CADM1: variants seen among roughly 807,000 people sequenced by gnomAD.
CADM1 encodes TSLC-1.
A neutral mutation model predicts 53.1 loss-of-function variants in CADM1; 15 were observed. That is an observed-to-expected ratio of 0.28 (90% CI 0.19 to 0.44). The LOEUF (loss-of-function observed/expected upper bound fraction) is 0.44, where lower values mean the gene tolerates loss of function less well. Among genes scored for constraint, CADM1 ranks in the 20% least tolerant of loss-of-function variants. The probability of loss-of-function intolerance (pLI) is 1.00; values close to 1 mark genes in which losing one functional copy is unlikely to be tolerated. For synonymous variants in CADM1, 281 were observed against 243.0 expected, an observed-to-expected ratio of 1.16 and a Z score of -1.45; for missense variants, 434 against 611.3, an observed-to-expected ratio of 0.71 and a Z score of 3.06.
At chr11:115,232,032 A>C (rs924215298) in intron 3 of CADM1, among the ~76,000 whole-genome samples, 22 of 151,890 alleles carry the variant, frequency 1.4e-4, no homozygotes, top group Non-Finnish European at 2.4e-4. Flanking sequence ...CAACAACAAC[A>C]ACCAATGTCT....
chr11:115,268,246 T>C (rs1565334856), intron 1 of CADM1, among the ~76,000 whole-genome samples: 1 of 152,210 alleles, frequency 6.6e-6, no homozygotes, highest in Admixed American at 6.5e-5. Flanking sequence ...TCTGTGTCCT[T>C]AGAAGAACAT....
chr11:115,280,288 C>A (rs1408641496), intron 1 of CADM1, among the ~76,000 whole-genome samples: 1 of 152,168 alleles, frequency 6.6e-6, no homozygotes, highest in Non-Finnish European at 1.5e-5. Flanking sequence ...AGCCGGTCAT[C>A]TCATTCTCCC....
chr11:115,493,279 A>T (rs936176848), intron 1 of CADM1, among the ~76,000 whole-genome samples: 2 of 137,408 alleles, frequency 1.5e-5, no homozygotes, highest in Non-Finnish European at 3.2e-5. Context: ...GTAATTTTCT[A>T]AAAAAAAAAA....
chr11:115,229,833 A>G (rs908861785), intron 4 of CADM1, among the ~76,000 whole-genome samples: 2 of 152,216 alleles, frequency 1.3e-5, no homozygotes, highest in Non-Finnish European at 2.9e-5. Context: ...TGAAATTGTA[A>G]TTGAAATGTT....
intron 1 of CADM1, among the ~76,000 whole-genome samples, chr11:115,363,062 T>C (rs1946069952): frequency 6.6e-6 from 1 of 152,120 alleles, no homozygotes; most frequent in Admixed American, 6.6e-5. Context: ...AATCACAGAT[T>C]CACCCAATCC....
At chr11:115,367,658 A>T (rs942299103) in intron 1 of CADM1, among the ~76,000 whole-genome samples, 8 of 152,068 alleles carry the variant, frequency 5.3e-5, no homozygotes, top group African/African-American at 1.2e-4. Flanking sequence ...ATGCATATAA[A>T]TTTTATATAT....
At chr11:115,350,080 T>C (rs567051018) in intron 1 of CADM1, among the ~76,000 whole-genome samples, 11 of 152,338 alleles carry the variant, frequency 7.2e-5, no homozygotes, top group Admixed American at 2.6e-4. Context: ...TAAGCGATTC[T>C]CCTGCTTCAG....
chr11:115,304,750 A>T lies in CADM1; in HGVS notation c.125-64330T>A, dbSNP rs191801304. Among the ~76,000 whole-genome samples the T allele has an allele frequency of 2.6e-5, 4 of 152,174 alleles. No homozygotes were observed. The East Asian group carries it at 7.7e-4, about 29-fold the overall frequency. On this transcript the variant is annotated intron_variant, in intron 1 of 11. Coordinates refer to ENST00000331581, the MANE Select transcript of CADM1 (RefSeq NM_001301043.2). ...ACATACGCTTATAAATATTAATAAC[A>T]TAACAAATGTTAAATTCACAACTCA... is the stretch of plus-strand genomic sequence containing the variant.
intron 1 of CADM1, among the ~76,000 whole-genome samples, chr11:115,325,677 CCTGA>C (rs1258800296): frequency 1.3e-5 from 2 of 152,130 alleles, no homozygotes; most frequent in Non-Finnish European, 2.9e-5. Context: ...CTCATCTCTG[CCTGA>C]CTATAACTGC....
intron 1 of CADM1, among the ~76,000 whole-genome samples, chr11:115,500,929 C>T (rs182295565): frequency 3.3e-5 from 5 of 152,356 alleles, no homozygotes; most frequent in Admixed American, 2.6e-4. Flanking sequence ...ACGAAAGTGT[C>T]CTGCCTGTTG....
chr11:115,200,591 A>G (rs45466095), intron 8 of CADM1, among the ~76,000 whole-genome samples: 24,369 of 151,994 alleles, frequency 0.16, 2,065 homozygotes, highest in East Asian at 0.3. Flanking sequence ...TGGTTCCTGC[A>G]TTCAAGCGAT....
chr11:115,229,097 A>G lies in CADM1; in HGVS notation c.721+16T>C, dbSNP rs778340388. ...TGCAACTCTACGCCCTCAGAATAAGATACCAGGGTACTCACACTGTACTTC... is the reference window on the plus strand; with the variant it reads ...TGCAACTCTACGCCCTCAGAATAAGGTACCAGGGTACTCACACTGTACTTC... On this transcript the variant is annotated intron_variant, in intron 5 of 11. Transcript: ENST00000331581. The G allele has an allele frequency of 6.2e-7, 1 of 1,613,518 alleles. No homozygotes were observed. The highest frequency in any genetic ancestry group is 1.7e-5 in the Admixed American group (1 of 60,020).
intron 1 of CADM1, among the ~76,000 whole-genome samples, chr11:115,373,017 G>T: frequency 6.6e-6 from 1 of 152,314 alleles, no homozygotes; most frequent in East Asian, 1.9e-4. Context: ...GACATAAATT[G>T]CTCTGATATT....
intron 1 of CADM1, among the ~76,000 whole-genome samples, chr11:115,332,029 A>G (rs1442029775): frequency 8.5e-5 from 13 of 152,194 alleles, no homozygotes; most frequent in Non-Finnish European, 1.9e-4. Context: ...CCTGAGCGTA[A>G]CAGTCGGGGA....
intron 1 of CADM1, among the ~76,000 whole-genome samples, chr11:115,278,067 A>G (rs1943490996): frequency 6.6e-6 from 1 of 152,054 alleles, no homozygotes; most frequent in African/African-American, 2.4e-5. Flanking sequence ...TTATCTCTAC[A>G]ATAAATTCCC....
chr11:115,256,790 T>C (rs1012567447), intron 1 of CADM1: 6 of 455,962 alleles, frequency 1.3e-5, no homozygotes, highest in Non-Finnish European at 2.2e-5. Flanking sequence ...CTCCTTCCTC[T>C]AAAAAGTTTG....
At chr11:115,301,626 C>T (rs1944223898) in intron 1 of CADM1, among the ~76,000 whole-genome samples, 1 of 151,978 alleles carries the variant, frequency 6.6e-6, no homozygotes, top group African/African-American at 2.4e-5. Flanking sequence ...GTTCTGTGAG[C>T]AGTAATATGA....
Position 115,174,937 on chromosome 11 carries a change from CT to C in CADM1, c.*1536del. 1 of 985,598 alleles carries C rather than the reference CT, an allele frequency of 1.0e-6. No individual in the cohort carries two copies. Among genetic ancestry groups the C allele is most frequent in the Non-Finnish European group, 1.2e-6 (1 of 829,784 alleles). The allele number at this position is 985,598 out of a possible 1,614,324, so 61.1% of individuals were successfully genotyped here. On this transcript the variant is annotated 3_prime_UTR_variant, in exon 12 of 12. Transcript: ENST00000331581. ...TTAAAACATGTAAATGGTAACGTGA[CT>C]CCTCTACCTTTTCCCGAGGCTCCCC...
chr11:115,409,495 A>G (rs1367814450), intron 1 of CADM1, among the ~76,000 whole-genome samples: 1 of 152,078 alleles, frequency 6.6e-6, no homozygotes, highest in Non-Finnish European at 1.5e-5. Context: ...TCATTCATTC[A>G]CTCAAGGGGC....
Sources: gnomAD v4.1 joint callset for allele counts (sites outside exome capture counted in the v4.1 genomes callset) on GRCh38, gnomAD v4.1.1 for gene constraint, MANE v1.5 for transcripts, NCBI Gene and HGNC (gene_info 2026-07-23, HGNC 2026-07-21) for gene names.